The following CFAP96 variants were observed in gnomAD, a reference collection of about 807,000 sequenced individuals.
CFAP96 encodes cilia-and flagella-associated protein 96.
the CFAP96 span, among the ~76,000 whole-genome samples, chr4:185,436,883 A>G: frequency 6.6e-6 from 1 of 152,218 alleles, no homozygotes; most frequent in South Asian, 2.1e-4. Flanking sequence ...AGCTCCTTCC[A>G]GGATGAATTT....
the CFAP96 span, among the ~76,000 whole-genome samples, chr4:185,411,091 A>G: frequency 2.6e-5 from 4 of 151,736 alleles, no homozygotes; most frequent in South Asian, 4.1e-4. Flanking sequence ...TACAGAAGTT[A>G]TAATAGAGGG....
the CFAP96 span, chr4:185,426,343 G>C: frequency 6.4e-6 from 1 of 157,162 alleles, no homozygotes; most frequent in African/African-American, 2.4e-5. Flanking sequence ...GGGGCAACCT[G>C]GACGAGCTGG....
the CFAP96 span, chr4:185,429,318 T>G: frequency 1.6e-6 from 1 of 620,550 alleles, no homozygotes; most frequent in Admixed American, 4.1e-5. Context: ...TTATTTTTAT[T>G]TTCAATGTAA....
the CFAP96 span, chr4:185,408,443 C>G: frequency 6.2e-7 from 1 of 1,611,680 alleles, no homozygotes; most frequent in African/African-American, 1.3e-5. Flanking sequence ...AATCTATATA[C>G]AGAGAAGAAA....
the CFAP96 span, chr4:185,415,799 A>C: frequency 3.5e-5 from 57 of 1,613,654 alleles, no homozygotes; most frequent in Middle Eastern, 1.6e-4. Flanking sequence ...TTTCCCTTTC[A>C]ATGATGGGCG....
At chr4:185,427,113 C>A in the CFAP96 span, among the ~76,000 whole-genome samples, 1 of 151,898 alleles carries the variant, frequency 6.6e-6, no homozygotes, top group Non-Finnish European at 1.5e-5. Context: ...TGGGAAAGTT[C>A]TAGGCAAGAA....
chr4:185,436,473 T>A, the CFAP96 span: 6 of 707,832 alleles, frequency 8.5e-6, no homozygotes, highest in African/African-American at 1.8e-5. Flanking sequence ...GCACTTGGGG[T>A]GGCCGAGATG....
At chr4:185,444,914 G>A in the CFAP96 span, 18 of 1,503,868 alleles carry the variant, frequency 1.2e-5, no homozygotes, top group Middle Eastern at 1.7e-4. Flanking sequence ...AGCTAATTTT[G>A]TAGAGGCATT....
At chr4:185,434,229 A>C in the CFAP96 span, among the ~76,000 whole-genome samples, 1 of 152,204 alleles carries the variant, frequency 6.6e-6, no homozygotes, top group Admixed American at 6.5e-5. Context: ...GTCTGAAAAA[A>C]AACAAAAAAA....
chr4:185,432,048 A>C, the CFAP96 span: 1 of 1,551,704 alleles, frequency 6.4e-7, no homozygotes, highest in Non-Finnish European at 8.7e-7. Flanking sequence ...GAAATGTCAG[A>C]TCTTCAGGCA....
the CFAP96 span, chr4:185,445,323 TC>T: frequency 2.8e-5 from 20 of 719,558 alleles, no homozygotes; most frequent in African/African-American, 5.4e-5. Flanking sequence ...CTTCTGAAAT[TC>T]CCAGCTGAGA....
chr4:185,427,807 C>T, the CFAP96 span, among the ~76,000 whole-genome samples: 8 of 149,680 alleles, frequency 5.3e-5, no homozygotes, highest in East Asian at 9.7e-4. Context: ...TCTTACCAGC[C>T]GGGCGCGGTG....
the CFAP96 span, among the ~76,000 whole-genome samples, chr4:185,425,272 G>A: frequency 6.6e-6 from 1 of 152,072 alleles, no homozygotes; most frequent in Non-Finnish European, 1.5e-5. Context: ...TGTGGGCTGT[G>A]GGGAAGTGGA....
the CFAP96 span, among the ~76,000 whole-genome samples, chr4:185,427,738 C>T: frequency 6.7e-6 from 1 of 148,896 alleles, no homozygotes; most frequent in South Asian, 2.2e-4. Flanking sequence ...CCAGCCTGGG[C>T]GACAGAGCGA....
the CFAP96 span, among the ~76,000 whole-genome samples, chr4:185,411,180 T>C: frequency 1.3e-5 from 2 of 151,042 alleles, no homozygotes; most frequent in African/African-American, 2.4e-5. Flanking sequence ...AAAGAAAATA[T>C]TATGACTACA....
chr4:185,414,751 A>T, the CFAP96 span, among the ~76,000 whole-genome samples: 21 of 152,206 alleles, frequency 1.4e-4, no homozygotes, highest in African/African-American at 5.1e-4. Flanking sequence ...CATAAATCCT[A>T]TTCAGAATTA....
At chr4:185,439,987 G>T in the CFAP96 span, among the ~76,000 whole-genome samples, 1 of 110,448 alleles carries the variant, frequency 9.1e-6, no homozygotes, top group Non-Finnish European at 1.8e-5. Flanking sequence ...GTATATGTGA[G>T]ATATATACAC....
At chr4:185,420,760 A>G in the CFAP96 span, among the ~76,000 whole-genome samples, 75 of 152,210 alleles carry the variant, frequency 4.9e-4, no homozygotes, top group African/African-American at 1.8e-3. Context: ...TCCATTCTCT[A>G]TATTTTCTGA....
chr4:185,425,770 A>G, the CFAP96 span: 1 of 1,535,984 alleles, frequency 6.5e-7, no homozygotes. Flanking sequence ...GGACCCCGGC[A>G]GGACCAGCTC....
Sources: gnomAD v4.1 joint callset for allele counts (sites outside exome capture counted in the v4.1 genomes callset) on GRCh38, gnomAD v4.1.1 for gene constraint, MANE v1.5 for transcripts, NCBI Gene and HGNC (gene_info 2026-07-23, HGNC 2026-07-21) for gene names.